EDAR: variants seen among roughly 807,000 people sequenced by gnomAD.
EDAR encodes ectodysplasin A receptor.
EDAR carries 38 observed loss-of-function variants against 51.3 expected under a neutral mutation model. The ratio of observed to expected loss-of-function variants is 0.74; its 90% CI spans 0.57 to 0.97. EDAR has a LOEUF of 0.97. Ranked by LOEUF, EDAR falls within the 50% of genes least tolerant of loss-of-function variation. EDAR has a pLI of 0.00. For missense variants in EDAR, 528 were observed against 595.0 expected (o/e 0.89, Z 1.17); for synonymous variants, 227 against 242.1 (o/e 0.94, Z 0.58).
At chr2:108,915,053 C>T (rs1697002514) in intron 5 of EDAR, among the ~76,000 whole-genome samples, 1 of 152,244 alleles carries the variant, frequency 6.6e-6, no homozygotes, top group Non-Finnish European at 1.5e-5. Context: ...GCTGGGAGTA[C>T]AGGTGTGTGC....
At chr2:108,909,084 A>G (rs1321044386) in intron 9 of EDAR, among the ~76,000 whole-genome samples, 2 of 152,208 alleles carry the variant, frequency 1.3e-5, no homozygotes, top group Admixed American at 1.3e-4. Context: ...CTTTTAACGT[A>G]CAAGTGTCAG....
chr2:108,908,016 C>T lies in EDAR; in HGVS notation c.807G>A (p.Glu269=). The stretch of plus-strand genomic sequence containing the variant: ...GCTCATTCTCGGATGAGGCATCGTT[C>T]TCGCTGCAAAAACAAGAGCGATGGT... ...TATPAKPTKS[E]NDASSENEQL... Residue 269 remains glutamate, a synonymous_variant, in exon 10 of 12, where the codon GAG becomes GAA. Transcript: ENST00000258443. The T allele has an allele frequency of 1.9e-6, 3 of 1,607,364 alleles. No individual in the cohort carries two copies. The highest frequency in any genetic ancestry group is 2.6e-6 in the Non-Finnish European group (3 of 1,174,968).
Position 108,894,506 on chromosome 2 carries a change from AT to A in EDAR, c.*2400del, listed in dbSNP as rs564142224. On this transcript the variant is annotated 3_prime_UTR_variant, in exon 12 of 12. Transcript: ENST00000258443. ...GTGTTTATTGAGATTATAAAATATA[AT>A]AAGTTATATATATACAGAATTAGAC... The A allele has an allele frequency of 9.8e-5, 15 of 152,616 alleles. No homozygotes were observed. The highest frequency in any genetic ancestry group is 1.0e-4 in the Non-Finnish European group (7 of 68,046). 9.5% of individuals were successfully genotyped at this position (152,616 alleles called of 1,614,324 possible). A position where few individuals can be genotyped will look rare whatever the true frequency, so the allele number is the denominator to read the frequency against.
At chr2:108,976,339 G>T (rs1698321816) in intron 1 of EDAR, among the ~76,000 whole-genome samples, 1 of 152,206 alleles carries the variant, frequency 6.6e-6, no homozygotes, top group Admixed American at 6.5e-5. Flanking sequence ...ATGGGTTTGA[G>T]AGGAAGACCA....
Position 108,896,982 on chromosome 2 carries a change from C to T in EDAR, c.1272G>A (p.Val424=), listed in dbSNP as rs772690729. 9.3e-6 allele frequency: 15 copies of T among 1,613,638 alleles called. No homozygotes were observed. In the African/African-American group the frequency reaches 1.3e-4, roughly 14 times the overall value. The change falls in exon 12 of 12, where the codon GTG becomes GTA. Residue 424 remains valine (V), a synonymous_variant. Transcript: ENST00000258443. Reference sequence around the variant, plus strand: ...CCAGTATGTCTGCACACAAGGACTCCACAGCATCCAGCCGCTCAATCTGCA... The same window carrying T: ...CCAGTATGTCTGCACACAAGGACTCTACAGCATCCAGCCGCTCAATCTGCA... ...KLVQIERLDA[V]ESLCADILEW... is the part of the protein sequence containing the mutation.
chr2:108,942,844 C>T (rs950282512), intron 1 of EDAR, among the ~76,000 whole-genome samples: 52 of 152,236 alleles, frequency 3.4e-4, no homozygotes. Context: ...TTTTCAGGCT[C>T]CCAGTCTTTT....
At chr2:108,919,532 AT>A (rs1697093916) in intron 5 of EDAR, among the ~76,000 whole-genome samples, 1 of 151,924 alleles carries the variant, frequency 6.6e-6, no homozygotes, top group Non-Finnish European at 1.5e-5. Flanking sequence ...CTAATTTTGT[AT>A]TTTTAGTAGA....
At chr2:108,969,241 C>A (rs1051484690) in intron 1 of EDAR, among the ~76,000 whole-genome samples, 6 of 152,084 alleles carry the variant, frequency 3.9e-5, no homozygotes, top group African/African-American at 1.4e-4. Context: ...CTTCTCTCTG[C>A]CCTCAGCTCC....
chr2:108,931,178 G>C (rs1697360074), intron 1 of EDAR, 146 bp from the exon 2 acceptor site: 1 of 736,904 alleles, frequency 1.4e-6, no homozygotes, highest in Non-Finnish European at 2.4e-6. Flanking sequence ...CAGACATGAA[G>C]CTGAAGCTGT....
chr2:108,929,984 G>A lies in EDAR; in HGVS notation c.174+136C>T, dbSNP rs565118054. On this transcript the variant is annotated intron_variant, in intron 3 of 11. Coordinates refer to ENST00000258443, the MANE Select transcript of EDAR (RefSeq NM_022336.4). ...GGCAGCTCTTGCCATCAATCTCAACGTCCAGGGAGCGTGACCGGCTGGTTT... is the reference window on the plus strand; with the variant it reads ...GGCAGCTCTTGCCATCAATCTCAACATCCAGGGAGCGTGACCGGCTGGTTT... The A allele has an allele frequency of 1.7e-4, 184 of 1,091,434 alleles. 2 individuals carry two copies. The South Asian group carries it at 1.9e-3, about 11-fold the overall frequency. The allele number at this position is 1,091,434 out of a possible 1,614,324, so 67.6% of individuals were successfully genotyped here.
At chr2:108,969,227 T>G (rs1698198760) in intron 1 of EDAR, among the ~76,000 whole-genome samples, 1 of 152,102 alleles carries the variant, frequency 6.6e-6, no homozygotes. Flanking sequence ...TTTTTTTTCC[T>G]GCTCTTCTCT....
chr2:108,919,682 T>A (rs1164383538), intron 5 of EDAR, among the ~76,000 whole-genome samples: 1 of 152,104 alleles, frequency 6.6e-6, no homozygotes, highest in Non-Finnish European at 1.5e-5. Context: ...AGGGAAGGAT[T>A]TCTGCTGCCC....
intron 5 of EDAR, among the ~76,000 whole-genome samples, chr2:108,921,160 G>A (rs1463256117): frequency 6.6e-6 from 1 of 152,124 alleles, no homozygotes; most frequent in Non-Finnish European, 1.5e-5. Flanking sequence ...TTAAGGATAG[G>A]AGGTAATTGC....
intron 1 of EDAR, among the ~76,000 whole-genome samples, chr2:108,966,293 A>G (rs1009971604): frequency 1.3e-5 from 2 of 152,218 alleles, no homozygotes; most frequent in Admixed American, 6.5e-5. Flanking sequence ...TTAAAGTCAG[A>G]TGATCTTTGC....
intron 1 of EDAR, among the ~76,000 whole-genome samples, chr2:108,959,511 T>G (rs1394430300): frequency 6.6e-6 from 1 of 152,210 alleles, no homozygotes; most frequent in Admixed American, 6.5e-5. Context: ...TCTGTGATGC[T>G]TAAAACCTGT....
At chr2:108,930,071 G>T (rs373602149) in intron 3 of EDAR, 49 bp downstream of exon 3, 13 of 1,583,138 alleles carry the variant, frequency 8.2e-6, no homozygotes, top group African/African-American at 2.7e-5. Context: ...CCACAAGCAG[G>T]AGGCCTCCCC....
chr2:108,938,080 T>C (rs1168487782), intron 1 of EDAR, among the ~76,000 whole-genome samples: 1 of 152,264 alleles, frequency 6.6e-6, no homozygotes, highest in African/African-American at 2.4e-5. Flanking sequence ...AATAAGCATG[T>C]CCAATTCTTC....
At chr2:108,907,174 A>G (rs538983194) in intron 10 of EDAR, among the ~76,000 whole-genome samples, 31 of 152,330 alleles carry the variant, frequency 2.0e-4, no homozygotes, top group South Asian at 6.2e-4. Context: ...ACCTGTTTTT[A>G]TATTTTTAAA....
chr2:108,982,109 G>T (rs915311790), intron 1 of EDAR, among the ~76,000 whole-genome samples: 1 of 152,172 alleles, frequency 6.6e-6, no homozygotes, highest in African/African-American at 2.4e-5. Context: ...TCCTTTCAAT[G>T]CTTTAGGCCA....
Sources: gnomAD v4.1 joint callset for allele counts (sites outside exome capture counted in the v4.1 genomes callset) on GRCh38, gnomAD v4.1.1 for gene constraint, MANE v1.5 for transcripts, NCBI Gene and HGNC (gene_info 2026-07-23, HGNC 2026-07-21) for gene names.